ABCB11: variants seen among roughly 807,000 people sequenced by gnomAD.
ABCB11 encodes bile salt export pump.
A neutral mutation model predicts 148.0 loss-of-function variants in ABCB11; 95 were observed. The observed-to-expected ratio is 0.64, with a 90% CI of 0.54 to 0.76. The LOEUF is 0.76. ABCB11 is among the 30% of genes least tolerant of loss of function. The pLI is 0.00. For missense variants in ABCB11, 1,523 were observed against 1,617.8 expected, an observed-to-expected ratio of 0.94 and a Z score of 1.01; for synonymous variants, 591 against 555.4, an observed-to-expected ratio of 1.06 and a Z score of -0.90.
At chr2:168,965,638 T>C (rs1321647266) in intron 17 of ABCB11, among the ~76,000 whole-genome samples, 1 of 151,810 alleles carries the variant, frequency 6.6e-6, no homozygotes, top group African/African-American at 2.4e-5. Flanking sequence ...GAGGCAATGC[T>C]GAAGACTGTG....
At chr2:168,935,567 G>T in intron 22 of ABCB11, 142 bp from the exon 23 acceptor site, 2 of 1,179,736 alleles carry the variant, frequency 1.7e-6, no homozygotes, top group Non-Finnish European at 1.2e-6. Context: ...ATACAAAGAC[G>T]TGGCTGGAGA....
chr2:168,918,558 T>C (rs1690988966), downstream of ABCB11, among the ~76,000 whole-genome samples: 1 of 152,204 alleles, frequency 6.6e-6, no homozygotes, highest in Non-Finnish European at 1.5e-5. Flanking sequence ...GAAATGGTTT[T>C]TTTCTGCACA....
At chr2:168,934,825 T>G (rs375470507) in intron 23 of ABCB11, among the ~76,000 whole-genome samples, 1 of 152,232 alleles carries the variant, frequency 6.6e-6, no homozygotes, top group Admixed American at 6.5e-5. Context: ...ATGACTTTCT[T>G]TGGCCAAACA....
At chr2:168,929,564 T>C (rs901985275) in intron 25 of ABCB11, among the ~76,000 whole-genome samples, 1 of 152,214 alleles carries the variant, frequency 6.6e-6, no homozygotes, top group Admixed American at 6.5e-5. Context: ...GGAAAGATAA[T>C]GTTATAAACA....
intron 19 of ABCB11, among the ~76,000 whole-genome samples, chr2:168,956,640 C>G (rs1692805125): frequency 6.6e-6 from 1 of 151,544 alleles, no homozygotes; most frequent in Non-Finnish European, 1.5e-5. Context: ...AGTCTCCCCT[C>G]TCTCTCCTTG....
intron 17 of ABCB11, among the ~76,000 whole-genome samples, chr2:168,967,039 GT>G (rs1421406722): frequency 6.6e-6 from 1 of 151,842 alleles, no homozygotes; most frequent in East Asian, 1.9e-4. Context: ...TTATTTTCTT[GT>G]TGGCCTGATC....
At chr2:169,007,554 G>A (rs569217873) in intron 5 of ABCB11, among the ~76,000 whole-genome samples, 94 of 152,286 alleles carry the variant, frequency 6.2e-4, no homozygotes, top group Non-Finnish European at 1.3e-3. Context: ...GGGGAAGCTG[G>A]CACTTCACAT....
intron 1 of ABCB11, among the ~76,000 whole-genome samples, chr2:169,020,188 A>T (rs1159410337): frequency 1.3e-5 from 2 of 152,222 alleles, no homozygotes; most frequent in African/African-American, 4.8e-5. Context: ...TTGTTATGAC[A>T]ATCTGAGGAC....
At chr2:168,929,741 A>G (rs915825909) in intron 25 of ABCB11, among the ~76,000 whole-genome samples, 1 of 152,202 alleles carries the variant, frequency 6.6e-6, no homozygotes, top group Non-Finnish European at 1.5e-5. Context: ...AGAGCAACGG[A>G]AGCAGATCAG....
chr2:168,971,297 T>A (rs949988147), intron 14 of ABCB11, among the ~76,000 whole-genome samples: 1 of 152,034 alleles, frequency 6.6e-6, no homozygotes. Flanking sequence ...TGTTAACCCT[T>A]TATAATAACT....
chr2:168,948,554 G>A (rs1367022787), intron 19 of ABCB11, among the ~76,000 whole-genome samples: 1 of 151,358 alleles, frequency 6.6e-6, no homozygotes, highest in Non-Finnish European at 1.5e-5. Context: ...ACTAGGGAAA[G>A]CATCATAACC....
chr2:168,942,475 G>A (rs1278392707), intron 21 of ABCB11, among the ~76,000 whole-genome samples: 1 of 146,634 alleles, frequency 6.8e-6, no homozygotes, highest in Admixed American at 7.0e-5. Flanking sequence ...ATACTAAAAT[G>A]TATCAAGTTA....
intron 12 of ABCB11, 60 bp from the exon 13 acceptor site, chr2:168,973,900 A>G: frequency 6.3e-7 from 1 of 1,583,362 alleles, no homozygotes; most frequent in East Asian, 2.3e-5. Context: ...TCAAACAATT[A>G]GGCTACAGGT....
At chr2:168,936,846 T>C (rs1199594630) in intron 21 of ABCB11, among the ~76,000 whole-genome samples, 1 of 152,190 alleles carries the variant, frequency 6.6e-6, no homozygotes, top group Non-Finnish European at 1.5e-5. Flanking sequence ...AGGCATGTTG[T>C]AGCAGGTATA....
chr2:168,947,398 T>C (rs1227294699), intron 19 of ABCB11, among the ~76,000 whole-genome samples: 2 of 151,664 alleles, frequency 1.3e-5, no homozygotes, highest in East Asian at 3.9e-4. Context: ...GCTTGGAACA[T>C]TGGCACATTT....
intron 12 of ABCB11, among the ~76,000 whole-genome samples, chr2:168,974,692 T>C (rs536784550): frequency 3.9e-5 from 6 of 152,044 alleles, no homozygotes; most frequent in African/African-American, 7.2e-5. Flanking sequence ...TAAATACATA[T>C]AGGTTTAAGT....
rs886044710 is a variant in ABCB11, at chr2:168,970,085, T to C, written c.1769A>G (p.Asp590Gly). 5.6e-6 allele frequency: 9 copies of C among 1,612,778 alleles called. No homozygotes were observed. Among genetic ancestry groups the C allele is most frequent in the African/African-American group, 2.7e-5 (2 of 74,812 alleles). ...LLLDMATSAL[D>G]NESEAMVQEV... is the part of the protein sequence containing the mutation. Reference sequence around the variant, plus strand: ...TTGCACCATGGCTTCACTCTCATTGTCCAGAGCTGAGGTGGCCATGTCCAA... The same window carrying C: ...TTGCACCATGGCTTCACTCTCATTGCCCAGAGCTGAGGTGGCCATGTCCAA... The change falls in exon 15 of 28, where the codon GAC becomes GGC. Residue 590 changes from aspartate to glycine, a missense_variant. Coordinates refer to ENST00000650372, the MANE Select transcript of ABCB11 (RefSeq NM_003742.4).
Position 168,958,063 on chromosome 2 carries a change from A to G in ABCB11, c.2244T>C (p.Ser748=). The change falls in exon 19 of 28, where the codon AGT becomes AGC. Residue 748 remains serine (S), a synonymous_variant. Transcript: ENST00000650372. ...PAPVRRILKF[S]APEWPYMLVG... is the part of the protein sequence containing the mutation. ...CCAGCATGTAGGGCCATTCTGGAGC[A>G]CTGAATTTCAGAATCCTCCTAACTG... 2 of 1,611,414 alleles carry G rather than the reference A, an allele frequency of 1.2e-6. No homozygotes were observed. The highest frequency in any genetic ancestry group is 1.7e-6 in the Non-Finnish European group (2 of 1,178,304).
Position 168,949,098 on chromosome 2 carries a change from A to G in ABCB11, c.2344-4137T>C, listed in dbSNP as rs368323673. On this transcript the variant is annotated intron_variant, in intron 19 of 27. Coordinates refer to ENST00000650372, the MANE Select transcript of ABCB11 (RefSeq NM_003742.4). ...GCCCCATCACCTTGTACAAGTTGAC[A>G]GTTCTAGGTTTCCTTCCTTGTGGAC... Among the ~76,000 whole-genome samples, 10 of 151,766 alleles carry G rather than the reference A, an allele frequency of 6.6e-5. 1 individual carries two copies. The highest frequency in any genetic ancestry group is 2.0e-4 in the Admixed American group (3 of 15,182).
Sources: allele counts gnomAD v4.1 joint callset (sites outside exome capture counted in the v4.1 genomes callset), GRCh38; gene constraint gnomAD v4.1.1; transcripts MANE v1.5; gene names NCBI Gene and HGNC (gene_info 2026-07-23, HGNC 2026-07-21).